CAPSL: variants seen among roughly 807,000 people sequenced by gnomAD.
CAPSL encodes calcyphosine like.
Under a neutral mutation model 21.3 loss-of-function variants are expected in CAPSL, and 17 were observed. The ratio of observed to expected loss-of-function variants is 0.80; its 90% CI spans 0.55 to 1.20. CAPSL has a LOEUF of 1.20. CAPSL is among the 50% of genes most tolerant of loss of function. CAPSL has a pLI of 0.00. For missense variants in CAPSL, 289 were observed against 259.3 expected (o/e 1.11, Z -0.79); for synonymous variants, 102 against 89.3 (o/e 1.14, Z -0.80).
chr5:35,920,825 A>T (rs984727413), intron 2 of CAPSL, among the ~76,000 whole-genome samples, 159 bp downstream of exon 2: 3 of 152,116 alleles, frequency 2.0e-5, no homozygotes, highest in African/African-American at 4.8e-5. Context: ...GTCACAAGGG[A>T]CCTCATAGAT....
chr5:35,919,726 T>G (rs1441222795), intron 2 of CAPSL, among the ~76,000 whole-genome samples: 1 of 152,038 alleles, frequency 6.6e-6, no homozygotes, highest in Non-Finnish European at 1.5e-5. Context: ...CCACTTGAGT[T>G]AGGAGTTACT....
chr5:35,910,248 T>C, intron 3 of CAPSL, 118 bp downstream of exon 3: 1 of 1,219,782 alleles, frequency 8.2e-7, no homozygotes, highest in Non-Finnish European at 1.1e-6. Flanking sequence ...CACAGTTTTC[T>C]GCTTATCCCC....
chr5:35,918,695 G>C (rs1043812115), intron 2 of CAPSL, among the ~76,000 whole-genome samples: 1 of 152,112 alleles, frequency 6.6e-6, no homozygotes, highest in Non-Finnish European at 1.5e-5. Flanking sequence ...AACTTTATTA[G>C]CAAGTCATTT....
chr5:35,919,393 T>C (rs1357370678), intron 2 of CAPSL, among the ~76,000 whole-genome samples: 2 of 152,066 alleles, frequency 1.3e-5, no homozygotes, highest in African/African-American at 4.8e-5. Flanking sequence ...AAAGAACGTA[T>C]ACTGTTGAAA....
At chr5:35,914,815 C>G (rs938909115) in intron 2 of CAPSL, among the ~76,000 whole-genome samples, 1 of 152,056 alleles carries the variant, frequency 6.6e-6, no homozygotes, top group African/African-American at 2.4e-5. Context: ...GAAGCAAGAG[C>G]AAACATATTC....
intron 4 of CAPSL, among the ~76,000 whole-genome samples, chr5:35,909,536 T>C (rs1395176768): frequency 1.3e-5 from 2 of 152,166 alleles, no homozygotes; most frequent in African/African-American, 4.8e-5. Flanking sequence ...CTGAGTATGG[T>C]AAATATAGTA....
chr5:35,934,533 T>G (rs1738896772), intron 1 of CAPSL, among the ~76,000 whole-genome samples: 1 of 152,192 alleles, frequency 6.6e-6, no homozygotes, highest in Non-Finnish European at 1.5e-5. Flanking sequence ...ATTCCACCAC[T>G]GGGAGGCATC....
intron 2 of CAPSL, among the ~76,000 whole-genome samples, chr5:35,913,687 C>G (rs1738293208): frequency 2.6e-5 from 4 of 152,108 alleles, no homozygotes; most frequent in Admixed American, 2.6e-4. Context: ...CAGGCCTGCC[C>G]TAAAAGAGCT....
intron 1 of CAPSL, among the ~76,000 whole-genome samples, chr5:35,933,543 A>T (rs1738872275): frequency 6.6e-6 from 1 of 152,118 alleles, no homozygotes; most frequent in Non-Finnish European, 1.5e-5. Flanking sequence ...ACCACAGGGC[A>T]CTCATTTATA....
In CAPSL at chr5:35,937,837, C is replaced by CAAAA. The variant is rs11369328; in HGVS notation, c.-1+700_-1+703dup. Reference sequence around the variant, plus strand: ...TGTAGGATTTGAGGAAAAAATAAGTCAAAAAAAAAAAACAGGTAAGAATTT... The same window carrying CAAAA: ...TGTAGGATTTGAGGAAAAAATAAGTCAAAAAAAAAAAAAAAACAGGTAAGAATTT... On this transcript the variant is annotated intron_variant, in intron 1 of 4. Transcript: ENST00000651391. Among the ~76,000 whole-genome samples the CAAAA allele has an allele frequency of 9.5e-3, 1,394 of 146,526 alleles. 28 individuals carry two copies. The highest frequency in any genetic ancestry group is 0.032 in the African/African-American group (1,302 of 40,162).
At chr5:35,931,110 T>G (rs1197265387) in intron 1 of CAPSL, among the ~76,000 whole-genome samples, 12 of 152,214 alleles carry the variant, frequency 7.9e-5, no homozygotes. Flanking sequence ...GTATTATCTG[T>G]TTAATCTGTT....
chr5:35,910,051 C>G lies in CAPSL; in HGVS notation c.340G>C (p.Glu114Gln). ...LRPPMSRARK[E>Q]VIMQAFRKLD... is the part of the protein sequence containing the mutation. ...TTTCTAAAAGCTTGCATGATTACCT[C>G]TTTTCTGGCTCTGGACATTGGAGGC... Residue 114 changes from glutamate (E) to glutamine (Q), a missense_variant, in exon 4 of 5, where the codon GAG becomes CAG. By Grantham distance (29) the Glu-to-Gln change is conservative. Transcript: ENST00000651391. 1 of 1,612,052 alleles carries G rather than the reference C, an allele frequency of 6.2e-7. No individual in the cohort carries two copies. Among genetic ancestry groups the G allele is most frequent in the Non-Finnish European group, 8.5e-7 (1 of 1,179,362 alleles).
At chr5:35,910,915 T>A (rs1189656462) in intron 2 of CAPSL, among the ~76,000 whole-genome samples, 1 of 152,208 alleles carries the variant, frequency 6.6e-6, no homozygotes, top group Non-Finnish European at 1.5e-5. Flanking sequence ...CATAGCACTT[T>A]ACAGAGCAAG....
chr5:35,910,081 A>C lies in CAPSL; in HGVS notation c.316-6T>G, dbSNP rs1738174364. 3.8e-6 allele frequency: 6 copies of C among 1,592,964 alleles called. No homozygotes were observed. Among genetic ancestry groups the C allele is most frequent in the Non-Finnish European group, 5.1e-6 (6 of 1,171,912 alleles). ...CTGGCTCTGGACATTGGAGGCTACA[A>C]AAATAGAAGAATACATACAGAGACA... On this transcript the variant is annotated splice_polypyrimidine_tract_variant and splice_region_variant and intron_variant, in intron 3 of 4. Coordinates refer to ENST00000651391, the MANE Select transcript of CAPSL (RefSeq NM_001042625.2).
At chr5:35,912,980 C>A (rs1738271617) in intron 2 of CAPSL, among the ~76,000 whole-genome samples, 1 of 152,210 alleles carries the variant, frequency 6.6e-6, no homozygotes, top group East Asian at 1.9e-4. Context: ...AGATGAACGT[C>A]TAACTAGAAA....
chr5:35,915,684 C>T (rs2194224), intron 2 of CAPSL, among the ~76,000 whole-genome samples: 62,335 of 151,980 alleles, frequency 0.41, 13,224 homozygotes, highest in African/African-American at 0.46. Context: ...AAACTCTCAA[C>T]AAATTAGGTA....
chr5:35,936,866 C>G (rs1738959974), intron 1 of CAPSL, among the ~76,000 whole-genome samples: 1 of 152,192 alleles, frequency 6.6e-6, no homozygotes. Flanking sequence ...AGATTTCTCA[C>G]AAAACATGTG....
intron 1 of CAPSL, among the ~76,000 whole-genome samples, chr5:35,922,430 C>T (rs1340052724): frequency 6.6e-6 from 1 of 152,098 alleles, no homozygotes; most frequent in Non-Finnish European, 1.5e-5. Flanking sequence ...TATTCAGATT[C>T]CCAGTATGTG....
intron 4 of CAPSL, among the ~76,000 whole-genome samples, chr5:35,906,431 G>A (rs1760681448): frequency 6.6e-6 from 1 of 151,988 alleles, no homozygotes. Flanking sequence ...GAATTTCTAG[G>A]GAAGCCTTTG....
Sources: gnomAD v4.1 joint callset for allele counts (sites outside exome capture counted in the v4.1 genomes callset) on GRCh38, gnomAD v4.1.1 for gene constraint, MANE v1.5 for transcripts, NCBI Gene and HGNC (gene_info 2026-07-23, HGNC 2026-07-21) for gene names.